Variants in PRLR observed in about 807,000 individuals in gnomAD.
The protein encoded by PRLR is prolactin receptor.
Under a neutral mutation model 40.2 loss-of-function variants are expected in PRLR, and 13 were observed. That is an observed-to-expected ratio of 0.32 (90% CI 0.21 to 0.51). The LOEUF is 0.51. Among genes scored for constraint, PRLR ranks in the 20% least tolerant of loss-of-function variants. The pLI is 0.97. For synonymous variants in PRLR, 269 were observed against 278.7 expected (o/e 0.97, Z 0.35); for missense variants, 656 against 747.3 (o/e 0.88, Z 1.42).
chr5:35,137,947 A>C (rs990361289), intron 1 of PRLR, among the ~76,000 whole-genome samples: 2 of 152,214 alleles, frequency 1.3e-5, no homozygotes, highest in Non-Finnish European at 2.9e-5. Flanking sequence ...AGCAAAATAA[A>C]GGGTTAAAAT....
At chr5:35,131,428 C>T (rs1286148586) in intron 1 of PRLR, among the ~76,000 whole-genome samples, 1 of 152,080 alleles carries the variant, frequency 6.6e-6, no homozygotes, top group African/African-American at 2.4e-5. Flanking sequence ...TGGTGGCGGG[C>T]TGGACAGGAG....
intron 1 of PRLR, among the ~76,000 whole-genome samples, chr5:35,201,631 T>C (rs1263883768): frequency 1.3e-5 from 2 of 152,206 alleles, no homozygotes; most frequent in African/African-American, 4.8e-5. Context: ...GTAAGCACAA[T>C]TGCAATCTTT....
intron 1 of PRLR, among the ~76,000 whole-genome samples, chr5:35,224,352 A>G (rs1209092137): frequency 6.6e-6 from 1 of 152,186 alleles, no homozygotes; most frequent in Non-Finnish European, 1.5e-5. Context: ...TGGCCAGTGA[A>G]TAAAACCAGC....
intron 1 of PRLR, among the ~76,000 whole-genome samples, chr5:35,227,766 G>A (rs1776588058): frequency 6.6e-6 from 1 of 152,194 alleles, no homozygotes; most frequent in African/African-American, 2.4e-5. Context: ...AACTGTGAAA[G>A]ATGACAATGG....
chr5:35,166,760 C>T (rs998337431), intron 1 of PRLR, among the ~76,000 whole-genome samples: 1 of 152,052 alleles, frequency 6.6e-6, no homozygotes, highest in African/African-American at 2.4e-5. Flanking sequence ...CATATAATGG[C>T]CACACTGCAG....
In PRLR at chr5:35,089,748, G is replaced by A; in HGVS notation, c.-43-85C>T. On this transcript the variant is annotated intron_variant, in intron 2 of 9. Transcript: ENST00000618457. ...CACTTTATTCTGGGTATTTGCAACT[G>A]ATTGTTGCTCCTTGCTTAATGTGAA... is the stretch of plus-strand genomic sequence containing the variant. 5.2e-6 allele frequency: 4 copies of A among 766,718 alleles called. No individual in the cohort carries two copies. The Admixed American group carries it at 8.6e-5, about 16-fold the overall frequency. The allele number at this position is 766,718 out of a possible 1,614,324, so 47.5% of individuals were successfully genotyped here. A position where few individuals can be genotyped will look rare whatever the true frequency, so the allele number is the denominator to read the frequency against.
intron 9 of PRLR, among the ~76,000 whole-genome samples, chr5:35,067,213 C>T (rs552665791): frequency 3.3e-5 from 5 of 152,256 alleles, no homozygotes; most frequent in African/African-American, 1.2e-4. Flanking sequence ...TACTACCCAT[C>T]TGGGAGGGTT....
chr5:35,190,251 C>A (rs1302323620), intron 1 of PRLR, among the ~76,000 whole-genome samples: 1 of 152,148 alleles, frequency 6.6e-6, no homozygotes, highest in Non-Finnish European at 1.5e-5. Context: ...TCCCCAATGC[C>A]CCACAGCGAA....
chr5:35,187,176 G>T (rs1775462989), intron 1 of PRLR, among the ~76,000 whole-genome samples: 1 of 152,108 alleles, frequency 6.6e-6, no homozygotes, highest in Non-Finnish European at 1.5e-5. Context: ...TGAGGCACGT[G>T]GACCACTTGA....
intron 1 of PRLR, among the ~76,000 whole-genome samples, chr5:35,186,729 C>T (rs533503159): frequency 6.6e-6 from 1 of 152,286 alleles, no homozygotes; most frequent in Non-Finnish European, 1.5e-5. Flanking sequence ...GTGGCCCTGG[C>T]TAACTCATTT....
intron 1 of PRLR, among the ~76,000 whole-genome samples, chr5:35,197,161 T>C (rs964689358): frequency 6.6e-6 from 1 of 152,212 alleles, no homozygotes; most frequent in Non-Finnish European, 1.5e-5. Flanking sequence ...ATTTTATTTT[T>C]AAATCCAAAG....
chr5:35,143,510 C>T (rs1313440093), intron 1 of PRLR, among the ~76,000 whole-genome samples: 3 of 152,188 alleles, frequency 2.0e-5, no homozygotes, highest in African/African-American at 7.2e-5. Context: ...TACAGACACA[C>T]AAACCTCGTT....
At chr5:35,228,776 G>C (rs1213781610) in intron 1 of PRLR, among the ~76,000 whole-genome samples, 1 of 152,132 alleles carries the variant, frequency 6.6e-6, no homozygotes, top group East Asian at 1.9e-4. Flanking sequence ...TCAGCAGCGT[G>C]GCTGACTCCA....
intron 1 of PRLR, among the ~76,000 whole-genome samples, chr5:35,123,829 C>A (rs1773371286): frequency 6.6e-6 from 1 of 152,210 alleles, no homozygotes; most frequent in African/African-American, 2.4e-5. Context: ...CTCCCACCCC[C>A]ATCAGGGAAA....
intron 1 of PRLR, among the ~76,000 whole-genome samples, chr5:35,227,113 G>A (rs1776573049): frequency 6.6e-6 from 1 of 152,220 alleles, no homozygotes; most frequent in Admixed American, 6.5e-5. Flanking sequence ...GAGTCTAATG[G>A]CTGGGCTTGG....
intron 9 of PRLR, among the ~76,000 whole-genome samples, chr5:35,067,083 C>G (rs1274413376): frequency 6.6e-6 from 1 of 152,114 alleles, no homozygotes; most frequent in Non-Finnish European, 1.5e-5. Flanking sequence ...TATCCTCTGA[C>G]TTGGGTCAGG....
intron 5 of PRLR, among the ~76,000 whole-genome samples, chr5:35,073,681 G>A (rs1405877022): frequency 1.3e-5 from 2 of 152,196 alleles, no homozygotes; most frequent in Admixed American, 1.3e-4. Flanking sequence ...GTAAGACATT[G>A]CGTTTGATGT....
intron 1 of PRLR, among the ~76,000 whole-genome samples, chr5:35,148,903 T>C (rs944585479): frequency 3.3e-5 from 5 of 152,030 alleles, no homozygotes; most frequent in African/African-American, 1.2e-4. Flanking sequence ...TAAGGGGTCT[T>C]GGAAGTATAT....
At chr5:35,220,177 A>G (rs1008181595) in intron 1 of PRLR, among the ~76,000 whole-genome samples, 8 of 152,152 alleles carry the variant, frequency 5.3e-5, no homozygotes, top group Admixed American at 3.3e-4. Flanking sequence ...AAACCTCCCA[A>G]TGAGTTAGGA....
Sources: allele counts gnomAD v4.1 joint callset (sites outside exome capture counted in the v4.1 genomes callset), GRCh38; gene constraint gnomAD v4.1.1; transcripts MANE v1.5; gene names NCBI Gene and HGNC (gene_info 2026-07-23, HGNC 2026-07-21).